Variants in QSOX1 observed in about 807,000 individuals in gnomAD.
The protein encoded by QSOX1 is sulfhydryl oxidase 1.
QSOX1 carries 40 observed loss-of-function variants against 76.1 expected under a neutral mutation model. That is an observed-to-expected ratio of 0.53 (90% CI 0.41 to 0.68). QSOX1 has a LOEUF of 0.68. Among genes scored for constraint, QSOX1 ranks in the 30% least tolerant of loss-of-function variants. QSOX1 has a pLI of 0.00. For missense variants in QSOX1, 931 were observed against 974.3 expected, an observed-to-expected ratio of 0.96 and a Z score of 0.59; for synonymous variants, 392 against 413.1, an observed-to-expected ratio of 0.95 and a Z score of 0.62.
At chr1:180,176,528 G>A (rs1433066656) in intron 4 of QSOX1, among the ~76,000 whole-genome samples, 1 of 152,188 alleles carries the variant, frequency 6.6e-6, no homozygotes, top group Non-Finnish European at 1.5e-5. Flanking sequence ...GGTGGCCCCT[G>A]GCTCTCTGTA....
chr1:180,172,514 C>T (rs886762867), intron 2 of QSOX1, among the ~76,000 whole-genome samples: 2 of 151,940 alleles, frequency 1.3e-5, no homozygotes, highest in African/African-American at 4.8e-5. Flanking sequence ...GAGGGGTTGC[C>T]TTTTTAAAAT....
chr1:180,181,119 T>C (rs541195659), intron 5 of QSOX1, among the ~76,000 whole-genome samples: 1 of 152,320 alleles, frequency 6.6e-6, no homozygotes, highest in East Asian at 1.9e-4. Flanking sequence ...GTGTGGACAC[T>C]ACATAATACC....
rs1663663239 is a variant in QSOX1 at position 180,202,911 on chromosome 1, C to G, written c.*5874C>G. 1 of 151,912 alleles carries G rather than the reference C, an allele frequency of 6.6e-6. No homozygotes were observed. Among genetic ancestry groups the G allele is most frequent in the South Asian group, 2.1e-4 (1 of 4,808 alleles). 9.4% of individuals were successfully genotyped at this position (151,912 alleles called of 1,614,324 possible). A position where few individuals can be genotyped will look rare whatever the true frequency, so the allele number is the denominator to read the frequency against. ...GGCCAACATGGTGAAACCCCCATCT[C>G]TACTAAAATATTACACAGGCATTGT... is the stretch of plus-strand genomic sequence containing the variant. On this transcript the variant is annotated 3_prime_UTR_variant, in exon 12 of 12. Transcript: ENST00000367602.
At chr1:180,188,811 C>G (rs1481337611) in intron 8 of QSOX1, among the ~76,000 whole-genome samples, 2 of 152,238 alleles carry the variant, frequency 1.3e-5, no homozygotes, top group Admixed American at 6.5e-5. Flanking sequence ...ATCTGATCAG[C>G]CTGCTGCTGT....
intron 4 of QSOX1, among the ~76,000 whole-genome samples, chr1:180,178,231 CTT>C (rs1662944895): frequency 6.6e-6 from 1 of 152,158 alleles, no homozygotes. Flanking sequence ...ACTTCCGACT[CTT>C]TTTGTTTGTT....
At position 180,200,829 on chromosome 1, in the gene QSOX1, T is replaced by C. The variant is rs1017127556; in HGVS notation, c.*3792T>C. 5.9e-5 allele frequency: 9 copies of C among 152,254 alleles called. No homozygotes were observed. Among genetic ancestry groups the C allele is most frequent in the African/African-American group, 2.2e-4 (9 of 41,452 alleles). The allele number at this position is 152,254 out of a possible 1,614,324, so 9.4% of individuals were successfully genotyped here. On this transcript the variant is annotated 3_prime_UTR_variant, in exon 12 of 12. Coordinates refer to ENST00000367602, the MANE Select transcript of QSOX1 (RefSeq NM_002826.5). ...ACATGTGATTCTGTTTCATGTCCTG[T>C]TCCATCGGTAGAGTTACACACTTTC...
intron 1 of QSOX1, among the ~76,000 whole-genome samples, chr1:180,159,540 TCTGATGAG>T (rs1195001834): frequency 1.3e-5 from 2 of 152,222 alleles, no homozygotes; most frequent in Non-Finnish European, 2.9e-5. Context: ...GAATGAGTAT[TCTGATGAG>T]CTGAGCAGAG....
In QSOX1 at chr1:180,184,048, T is replaced by A; in HGVS notation, c.885T>A (p.Asp295Glu). ...KIAPTVWKLA[D>E]RSKIYMADLE... Reference sequence around the variant, plus strand: ...CTCCCACTGTTTGGAAATTGGCAGATCGGTAAGGCTACGCCTGGTTCTCCT... The same window carrying A: ...CTCCCACTGTTTGGAAATTGGCAGAACGGTAAGGCTACGCCTGGTTCTCCT... The change falls in exon 7 of 12, where the codon GAT becomes GAA. Residue 295 changes from aspartate (D) to glutamate (E), a missense_variant and splice_region_variant. Physicochemically the swap from Asp to Glu is conservative, Grantham distance 45. Transcript: ENST00000367602. The A allele has an allele frequency of 6.2e-7, 1 of 1,614,136 alleles. No individual in the cohort carries two copies. Among genetic ancestry groups the A allele is most frequent in the Non-Finnish European group, 8.5e-7 (1 of 1,180,002 alleles).
At chr1:180,194,495 T>A in intron 11 of QSOX1, 103 bp downstream of exon 11, 3 of 1,163,214 alleles carry the variant, frequency 2.6e-6, no homozygotes, top group Non-Finnish European at 3.6e-6. Context: ...ACACTCATTG[T>A]CCCCTCAGTC....
In QSOX1 at chr1:180,198,764, GC is replaced by G; in HGVS notation, c.*1730del. 4.1e-6 allele frequency: 1 copy of G among 243,142 alleles called. No individual in the cohort carries two copies. The highest frequency in any genetic ancestry group is 5.0e-5 in the South Asian group (1 of 20,110). 15.1% of individuals were successfully genotyped at this position (243,142 alleles called of 1,614,324 possible). On this transcript the variant is annotated 3_prime_UTR_variant, in exon 12 of 12. Coordinates refer to ENST00000367602, the MANE Select transcript of QSOX1 (RefSeq NM_002826.5). Reference sequence around the variant, plus strand: ...CTGCACCCCCTGCTCCCTTGGGCTGGCCCTGGCTGGGGGCCTGAGAGACAGA... The same window carrying G: ...CTGCACCCCCTGCTCCCTTGGGCTGGCCTGGCTGGGGGCCTGAGAGACAGA...
chr1:180,191,799 G>C (rs556402431), intron 10 of QSOX1, among the ~76,000 whole-genome samples: 5 of 152,316 alleles, frequency 3.3e-5, no homozygotes, highest in Admixed American at 6.5e-5. Context: ...AGTCTCCCAG[G>C]CTGTGTTGGT....
intron 1 of QSOX1, among the ~76,000 whole-genome samples, chr1:180,166,041 G>C (rs1013522708): frequency 6.6e-6 from 1 of 152,074 alleles, no homozygotes; most frequent in East Asian, 1.9e-4. Flanking sequence ...CTTCCCTAAG[G>C]GTCCCCTGGG....
In QSOX1 at chr1:180,195,930, A is replaced by G. The variant is rs544786549; in HGVS notation, c.1469-332A>G. On this transcript the variant is annotated intron_variant, in intron 11 of 11. Transcript: ENST00000367602. ...CTTTCCCATGTCTGGTACTGGGGTA[A>G]AGGCTGGTTGTAAAGTCCACATAGC... 4.6e-5 allele frequency among the ~76,000 whole-genome samples: 7 copies of G among 152,322 alleles called. No homozygotes were observed. The South Asian group carries it at 6.2e-4, about 14-fold the overall frequency.
At chr1:180,182,027 C>T (rs778351723) in intron 5 of QSOX1, 147 bp from the exon 6 acceptor site, 9 of 718,796 alleles carry the variant, frequency 1.3e-5, no homozygotes, top group Non-Finnish European at 1.8e-5. Flanking sequence ...ATCTCTTGCG[C>T]ATCAGTGTGG....
chr1:180,186,750 C>G (rs955057745), intron 8 of QSOX1, among the ~76,000 whole-genome samples: 2 of 152,206 alleles, frequency 1.3e-5, no homozygotes, highest in African/African-American at 4.8e-5. Flanking sequence ...AACTACTCTG[C>G]GAGGTGGGTG....
In QSOX1 at chr1:180,178,892, G is replaced by T; in HGVS notation, c.606+8G>T. ...TCCTACCTGGGTAGAGAGGTGAGCT[G>T]CCCTGAAGTTCCCTGCAATTCTTGG... On this transcript the variant is annotated splice_region_variant and intron_variant, in intron 5 of 11. Transcript: ENST00000367602. 1 of 1,609,060 alleles carries T rather than the reference G, an allele frequency of 6.2e-7. No individual in the cohort carries two copies. Among genetic ancestry groups the T allele is most frequent in the Non-Finnish European group, 8.5e-7 (1 of 1,175,458 alleles).
intron 1 of QSOX1, among the ~76,000 whole-genome samples, chr1:180,156,187 G>T (rs965763890): frequency 3.3e-5 from 5 of 152,228 alleles, no homozygotes; most frequent in African/African-American, 1.2e-4. Flanking sequence ...TTGTCTCATA[G>T]TTTCCTTTCC....
intron 4 of QSOX1, among the ~76,000 whole-genome samples, chr1:180,177,859 GTTTGTTTTGTTTTGTTTTGGATATGT>G (rs1662936360): frequency 8.4e-6 from 1 of 119,716 alleles, no homozygotes; most frequent in Non-Finnish European, 1.8e-5. Context: ...CCATGTTTTT[GTTTGTTTTGTTTTGTTTTGGATATGT>G]TTTGTTTTGT....
At chr1:180,166,813 T>C (rs1662642258) in intron 2 of QSOX1, among the ~76,000 whole-genome samples, 1 of 152,166 alleles carries the variant, frequency 6.6e-6, no homozygotes, top group East Asian at 1.9e-4. Flanking sequence ...GATCTAACTC[T>C]ATAAAACCAG....
Sources: allele counts gnomAD v4.1 joint callset (sites outside exome capture counted in the v4.1 genomes callset), GRCh38; gene constraint gnomAD v4.1.1; transcripts MANE v1.5; gene names NCBI Gene and HGNC (gene_info 2026-07-23, HGNC 2026-07-21).